Variants in FBXO10 observed in about 807,000 individuals in gnomAD.
The protein encoded by FBXO10 is F-box only protein 10.
A neutral mutation model predicts 80.7 loss-of-function variants in FBXO10; 39 were observed. The observed-to-expected ratio is 0.48, with a 90% CI of 0.37 to 0.63. The LOEUF (loss-of-function observed/expected upper bound fraction) is 0.63, where lower values mean the gene tolerates loss of function less well. Among genes scored for constraint, FBXO10 ranks in the 30% least tolerant of loss-of-function variants. The pLI, the probability that FBXO10 is intolerant of heterozygous loss-of-function variation, is 0.00. For missense variants in FBXO10, 1,025 were observed against 1,269.0 expected (o/e 0.81, Z 2.92); for synonymous variants, 449 against 489.6 (o/e 0.92, Z 1.09).
At chr9:37,564,358 G>A (rs771382557) in intron 1 of FBXO10, among the ~76,000 whole-genome samples, 1 of 152,136 alleles carries the variant, frequency 6.6e-6, no homozygotes, top group African/African-American at 2.4e-5. Context: ...ATGTGGGGTC[G>A]GGGCCCCCAC....
At chr9:37,560,521 G>C (rs181107768) in intron 1 of FBXO10, among the ~76,000 whole-genome samples, 1 of 152,104 alleles carries the variant, frequency 6.6e-6, no homozygotes. Flanking sequence ...TCTTGACTCC[G>C]AGCACACATG....
At chr9:37,518,067 AT>A in intron 9 of FBXO10, 57 bp downstream of exon 9, 2 of 1,531,594 alleles carry the variant, frequency 1.3e-6, no homozygotes, top group Non-Finnish European at 1.8e-6. Context: ...CACGAGGACT[AT>A]CCCAGGGTTG....
intron 1 of FBXO10, among the ~76,000 whole-genome samples, chr9:37,555,447 C>T (rs916036924): frequency 1.4e-4 from 22 of 151,878 alleles, no homozygotes; most frequent in African/African-American, 5.3e-4. Context: ...AATCTCGGCT[C>T]ACCGCAACCT....
chr9:37,514,276 C>G (rs1218729309), intron 10 of FBXO10, among the ~76,000 whole-genome samples: 2 of 152,158 alleles, frequency 1.3e-5, no homozygotes, highest in East Asian at 3.9e-4. Flanking sequence ...AAATGAGAGG[C>G]TGGAAAAGAC....
chr9:37,532,548 G>C (rs1280620410), intron 3 of FBXO10, among the ~76,000 whole-genome samples: 1 of 151,986 alleles, frequency 6.6e-6, no homozygotes, highest in African/African-American at 2.4e-5. Context: ...ATCTCACTAT[G>C]TTGCCCAGGC....
intron 1 of FBXO10, among the ~76,000 whole-genome samples, chr9:37,566,936 C>T (rs1259334173): frequency 1.3e-5 from 2 of 152,074 alleles, no homozygotes; most frequent in Admixed American, 1.3e-4. Context: ...GGGCTTGGAG[C>T]CATAAGGACC....
intron 10 of FBXO10, among the ~76,000 whole-genome samples, chr9:37,513,599 A>T (rs563336104): frequency 6.0e-4 from 91 of 151,152 alleles, no homozygotes; most frequent in South Asian, 1.5e-3. Context: ...ATATATATAT[A>T]TTTTTTCCGA....
At chr9:37,541,878 G>C in intron 1 of FBXO10, 104 bp from the exon 2 acceptor site, 1 of 962,282 alleles carries the variant, frequency 1.0e-6, no homozygotes, top group Non-Finnish European at 1.5e-6. Context: ...GCCCAGGCTG[G>C]AGTGCAGTGG....
rs138788901 is a variant in FBXO10, at chr9:37,553,176, G to A, written c.-6-11402C>T. Among the ~76,000 whole-genome samples the A allele has an allele frequency of 5.1e-3, 776 of 152,060 alleles. 7 individuals carry two copies. The highest frequency in any genetic ancestry group is 0.018 in the African/African-American group (739 of 41,476). On this transcript the variant is annotated intron_variant, in intron 1 of 10. Coordinates refer to ENST00000432825, the MANE Select transcript of FBXO10 (RefSeq NM_012166.3). Reference sequence around the variant, plus strand: ...CCTGCCTCAGCCTCCCGAGTAGCTGGGACTACAGGCACGCGCCACCATGCC... The same window carrying A: ...CCTGCCTCAGCCTCCCGAGTAGCTGAGACTACAGGCACGCGCCACCATGCC...
intron 1 of FBXO10, among the ~76,000 whole-genome samples, chr9:37,565,104 A>T (rs1262869574): frequency 6.6e-6 from 1 of 152,086 alleles, no homozygotes; most frequent in Non-Finnish European, 1.5e-5. Context: ...ATGAGATCTG[A>T]TGCTTTTATA....
rs961112861 is a variant in FBXO10 at position 37,527,070 on chromosome 9, C to T, written c.1707-1898G>A. Reference sequence around the variant, plus strand: ...TTCACCGTGTTGGCCAGGCTGATCTCGAACTCCTGACCTCAAGTGATCTGC... The same window carrying T: ...TTCACCGTGTTGGCCAGGCTGATCTTGAACTCCTGACCTCAAGTGATCTGC... On this transcript the variant is annotated intron_variant, in intron 5 of 10. Transcript: ENST00000432825. 5.9e-5 allele frequency among the ~76,000 whole-genome samples: 9 copies of T among 152,140 alleles called. No individual in the cohort carries two copies. The East Asian group carries it at 9.7e-4, about 16-fold the overall frequency.
At chr9:37,556,422 T>C (rs568787004) in intron 1 of FBXO10, among the ~76,000 whole-genome samples, 2 of 152,292 alleles carry the variant, frequency 1.3e-5, no homozygotes, top group African/African-American at 2.4e-5. Flanking sequence ...TAGCCTATGG[T>C]TATCCAACTG....
At chr9:37,560,356 T>C (rs1822446969) in intron 1 of FBXO10, among the ~76,000 whole-genome samples, 1 of 152,102 alleles carries the variant, frequency 6.6e-6, no homozygotes, top group East Asian at 1.9e-4. Flanking sequence ...AGCCCACCTA[T>C]AGTAGGAAGC....
intron 8 of FBXO10, among the ~76,000 whole-genome samples, chr9:37,520,003 T>A (rs943609937): frequency 6.6e-6 from 1 of 152,070 alleles, no homozygotes; most frequent in Admixed American, 6.6e-5. Context: ...GAAAAAAATT[T>A]TTTTTTTCTC....
intron 10 of FBXO10, chr9:37,515,655 C>T (rs1821163248): frequency 2.5e-6 from 1 of 395,396 alleles, no homozygotes; most frequent in Non-Finnish European, 4.5e-6. Context: ...CAAGGTCACA[C>T]AGCCAGTAAC....
chr9:37,560,696 A>C (rs1321390641), intron 1 of FBXO10, among the ~76,000 whole-genome samples: 3 of 151,820 alleles, frequency 2.0e-5, no homozygotes, highest in Non-Finnish European at 4.4e-5. Context: ...GGGCCTCTGC[A>C]TGTGGAATTA....
intron 1 of FBXO10, among the ~76,000 whole-genome samples, chr9:37,552,248 C>T (rs975400353): frequency 1.3e-5 from 2 of 152,196 alleles, no homozygotes; most frequent in Non-Finnish European, 2.9e-5. Context: ...GTTCCAGCCT[C>T]TATGCATTAT....
chr9:37,567,558 G>A (rs1025893553), intron 1 of FBXO10, among the ~76,000 whole-genome samples: 46 of 152,120 alleles, frequency 3.0e-4, no homozygotes, highest in Admixed American at 1.0e-3. Flanking sequence ...ACAATTGCAG[G>A]ATCAAATTCA....
intron 5 of FBXO10, among the ~76,000 whole-genome samples, chr9:37,527,857 C>A (rs1029847929): frequency 6.6e-6 from 1 of 152,056 alleles, no homozygotes; most frequent in Non-Finnish European, 1.5e-5. Flanking sequence ...AGCTCTATGA[C>A]CACTAATTGT....
Sources: gnomAD v4.1 joint callset for allele counts (sites outside exome capture counted in the v4.1 genomes callset) on GRCh38, gnomAD v4.1.1 for gene constraint, MANE v1.5 for transcripts, NCBI Gene and HGNC (gene_info 2026-07-23, HGNC 2026-07-21) for gene names.